Variants in DNM3 observed in about 807,000 individuals in gnomAD.
DNM3 encodes the protein dynamin-3.
In DNM3, 47 loss-of-function variants were observed where a neutral mutation model predicts 101.6. The observed-to-expected ratio is 0.46, with a 90% CI of 0.37 to 0.59. DNM3 has a LOEUF of 0.59. Ranked by LOEUF, DNM3 falls within the 20% of genes least tolerant of loss-of-function variation. DNM3 has a pLI of 0.00. For synonymous variants in DNM3, 385 were observed against 387.9 expected, an observed-to-expected ratio of 0.99 and a Z score of 0.09; for missense variants, 849 against 1,085.7, an observed-to-expected ratio of 0.78 and a Z score of 3.06.
intron 10 of DNM3, among the ~76,000 whole-genome samples, chr1:172,067,362 T>C (rs1271787244): frequency 6.6e-6 from 1 of 152,222 alleles, no homozygotes; most frequent in Non-Finnish European, 1.5e-5. Context: ...TCCATTGCTG[T>C]CATCCCAGTA....
intron 1 of DNM3, among the ~76,000 whole-genome samples, chr1:171,860,159 A>G (rs2034018700): frequency 6.6e-6 from 1 of 152,152 alleles, no homozygotes; most frequent in Non-Finnish European, 1.5e-5. Context: ...AATAGTCACT[A>G]CCCCATGTAG....
intron 14 of DNM3, among the ~76,000 whole-genome samples, chr1:172,233,459 G>A (rs1415794623): frequency 6.6e-6 from 1 of 152,134 alleles, no homozygotes; most frequent in African/African-American, 2.4e-5. Context: ...TCTACCAGAG[G>A]TACAAGGAGG....
downstream of DNM3, chr1:172,415,420 C>T (rs1343594187): frequency 2.0e-5 from 3 of 152,000 alleles, no homozygotes; most frequent in Admixed American, 1.3e-4. Flanking sequence ...ATTCCTATTG[C>T]CTTTCTTTCC....
intron 4 of DNM3, among the ~76,000 whole-genome samples, chr1:172,001,709 C>A (rs2046367556): frequency 6.6e-6 from 1 of 151,996 alleles, no homozygotes; most frequent in South Asian, 2.1e-4. Context: ...GGAAAGAGGG[C>A]ACCATCTTCT....
At chr1:171,969,708 A>G (rs1047634977) in intron 2 of DNM3, among the ~76,000 whole-genome samples, 4 of 152,210 alleles carry the variant, frequency 2.6e-5, no homozygotes, top group Non-Finnish European at 5.9e-5. Flanking sequence ...TGAAGGCCAG[A>G]GAGAGACCTT....
intron 13 of DNM3, among the ~76,000 whole-genome samples, chr1:172,103,425 A>AT (rs149504577): frequency 0.019 from 2,884 of 152,124 alleles, 80 homozygotes; most frequent in East Asian, 0.13. Context: ...TGTCTTAGGG[A>AT]TTTTTCCATG....
chr1:171,965,426 G>C (rs956186671), intron 2 of DNM3, among the ~76,000 whole-genome samples: 2 of 151,424 alleles, frequency 1.3e-5, no homozygotes, highest in Non-Finnish European at 2.9e-5. Context: ...GGTGACATGT[G>C]TCTGTAGTCC....
intron 10 of DNM3, among the ~76,000 whole-genome samples, chr1:172,068,421 T>C (rs1348643241): frequency 3.3e-5 from 5 of 152,230 alleles, no homozygotes; most frequent in Non-Finnish European, 7.3e-5. Flanking sequence ...AGGTAATTCA[T>C]GAAGTTCTTA....
intron 16 of DNM3, among the ~76,000 whole-genome samples, chr1:172,314,923 G>A (rs1435578620): frequency 2.0e-5 from 3 of 152,224 alleles, no homozygotes; most frequent in Non-Finnish European, 4.4e-5. Flanking sequence ...TCTGAGAACA[G>A]GCAGACTGCC....
intron 1 of DNM3, among the ~76,000 whole-genome samples, chr1:171,901,240 GA>G (rs1022770733): frequency 4.6e-5 from 7 of 150,818 alleles, no homozygotes; most frequent in South Asian, 2.1e-4. Flanking sequence ...AATTGTGACA[GA>G]AAAAAAAATC....
At chr1:172,265,596 C>T (rs1047927260) in intron 15 of DNM3, among the ~76,000 whole-genome samples, 1 of 152,128 alleles carries the variant, frequency 6.6e-6, no homozygotes, top group Admixed American at 6.5e-5. Flanking sequence ...TTAACAGACT[C>T]CTAAAGTTCA....
Position 172,098,104 on chromosome 1 carries a change from G to C in DNM3, c.1545+5229G>C, listed in dbSNP as rs1572498197. 2.0e-5 allele frequency among the ~76,000 whole-genome samples: 3 copies of C among 152,260 alleles called. No homozygotes were observed. In the South Asian group the frequency reaches 6.2e-4, roughly 32 times the overall value. On this transcript the variant is annotated intron_variant, in intron 13 of 20. Coordinates refer to ENST00000627582, the MANE Select transcript of DNM3 (RefSeq NM_015569.5). ...TTGTCATTGATAACATCAGGAGACA[G>C]GGTTTGAGAGCAGACAACCGGTCTG...
intron 1 of DNM3, among the ~76,000 whole-genome samples, chr1:171,874,313 CTTAA>C (rs376322592): frequency 2.0e-4 from 31 of 152,186 alleles, no homozygotes; most frequent in Non-Finnish European, 3.4e-4. Flanking sequence ...TTAATTATCT[CTTAA>C]TTAATTTCTT....
downstream of DNM3, among the ~76,000 whole-genome samples, chr1:172,417,382 T>C (rs1275273466): frequency 1.3e-5 from 2 of 152,220 alleles, no homozygotes; most frequent in Non-Finnish European, 2.9e-5. Context: ...GTATTTTCTC[T>C]AGCTGCAAAT....
chr1:172,330,187 A>G (rs1573493708), intron 17 of DNM3, among the ~76,000 whole-genome samples: 1 of 152,190 alleles, frequency 6.6e-6, no homozygotes, highest in Admixed American at 6.6e-5. Context: ...TTCAAAGATG[A>G]TTTTGAAACA....
At chr1:171,950,277 T>C (rs967631316) in intron 2 of DNM3, among the ~76,000 whole-genome samples, 2 of 152,216 alleles carry the variant, frequency 1.3e-5, no homozygotes, top group Non-Finnish European at 1.5e-5. Flanking sequence ...TAACAAATTG[T>C]TGACTTTATG....
Position 172,236,758 on chromosome 1 carries a change from T to C in DNM3, c.1660-16815T>C, listed in dbSNP as rs1264291829. Among the ~76,000 whole-genome samples the C allele has an allele frequency of 4.6e-5, 7 of 152,136 alleles. No homozygotes were observed. In the East Asian group the frequency reaches 7.7e-4, roughly 17 times the overall value. On this transcript the variant is annotated intron_variant, in intron 14 of 20. Transcript: ENST00000627582. ...CTCTTTGTGTTGCTCTGGTTCTTCA[T>C]TGGTCTTGTCTTGCCTGTGCTAAAC...
chr1:172,002,990 T>C (rs1267946038), intron 4 of DNM3, among the ~76,000 whole-genome samples: 2 of 151,990 alleles, frequency 1.3e-5, no homozygotes, highest in East Asian at 1.9e-4. Context: ...CTGATGCTCT[T>C]TGTGGAGTTT....
intron 1 of DNM3, among the ~76,000 whole-genome samples, chr1:171,911,805 G>C (rs1160015092): frequency 1.3e-5 from 2 of 152,108 alleles, no homozygotes; most frequent in Non-Finnish European, 2.9e-5. Flanking sequence ...CAGCGGGTAA[G>C]TGTTCTCTTG....
Sources: allele counts gnomAD v4.1 joint callset (sites outside exome capture counted in the v4.1 genomes callset), GRCh38; gene constraint gnomAD v4.1.1; transcripts MANE v1.5; gene names NCBI Gene and HGNC (gene_info 2026-07-23, HGNC 2026-07-21).